Variants in CSNK1D observed in about 807,000 individuals in gnomAD.
The protein encoded by CSNK1D is casein kinase 1 delta.
A neutral mutation model predicts 46.6 loss-of-function variants in CSNK1D; 16 were observed. That is an observed-to-expected ratio of 0.34 (90% CI 0.23 to 0.52). The LOEUF is 0.52. CSNK1D is among the 20% of genes least tolerant of loss of function. The probability of loss-of-function intolerance (pLI) is 0.95; values close to 1 mark genes in which losing one functional copy is unlikely to be tolerated. For synonymous variants in CSNK1D, 276 were observed against 228.2 expected (o/e 1.21, Z -1.89); for missense variants, 398 against 578.4 (o/e 0.69, Z 3.20).
At chr17:82,267,809 GTAC>G (rs2051516315) in intron 1 of CSNK1D, among the ~76,000 whole-genome samples, 3 of 152,252 alleles carry the variant, frequency 2.0e-5, no homozygotes, top group Admixed American at 6.5e-5. Context: ...GCCTCGGACA[GTAC>G]CGCCACCCTC....
chr17:82,246,094 C>G, intron 8 of CSNK1D: 2 of 1,570,982 alleles, frequency 1.3e-6, no homozygotes, highest in Non-Finnish European at 1.7e-6. Flanking sequence ...CCCTGACTAC[C>G]TGTGTCGGCT....
rs2147148753 is a variant in CSNK1D at position 82,244,205 on chromosome 17, A to G, written c.*576T>C. 9.8e-7 allele frequency: 1 copy of G among 1,024,756 alleles called. No individual in the cohort carries two copies. Among genetic ancestry groups the G allele is most frequent in the African/African-American group, 1.7e-5 (1 of 58,500 alleles). 63.5% of individuals were successfully genotyped at this position (1,024,756 alleles called of 1,614,324 possible). On this transcript the variant is annotated 3_prime_UTR_variant, in exon 9 of 9. Coordinates refer to ENST00000314028, the MANE Select transcript of CSNK1D (RefSeq NM_001893.6). Reference sequence around the variant, plus strand: ...CCAAAGCGGACAATAAAACACTGCAAAACAAACACAGCACACACCCTTGAG... The same window carrying G: ...CCAAAGCGGACAATAAAACACTGCAGAACAAACACAGCACACACCCTTGAG...
At position 82,252,576 on chromosome 17, in the gene CSNK1D, A is replaced by C. The variant is rs1479557056; in HGVS notation, c.594T>G (p.Ser198=). Residue 198 remains serine, a synonymous_variant, in exon 5 of 9, where the codon TCT becomes TCG. Transcript: ENST00000314028. This position sits in a 1 kb window ranked among gnomAD's most constrained non-coding sequence, Gnocchi z 4.6. ...IEQSRRDDLE[S]LGYVLMYFNL... ...TGAAGTACATTAGCACGTAGCCCAGAGACTCCAAGTCATCTCTTCGGGATT... is the reference window on the plus strand; with the variant it reads ...TGAAGTACATTAGCACGTAGCCCAGCGACTCCAAGTCATCTCTTCGGGATT... 1 of 1,613,842 alleles carries C rather than the reference A, an allele frequency of 6.2e-7. No homozygotes were observed. Among genetic ancestry groups the C allele is most frequent in the African/African-American group, 1.3e-5 (1 of 74,908 alleles).
At chr17:82,261,074 C>G (rs781390033) in intron 2 of CSNK1D, 1 of 154,894 alleles carries the variant, frequency 6.5e-6, no homozygotes. Flanking sequence ...AATGTCTCAG[C>G]AGAAATCACC....
intron 1 of CSNK1D, chr17:82,267,134 G>A (rs1440189753): frequency 6.6e-6 from 1 of 151,120 alleles, no homozygotes; most frequent in African/African-American, 2.4e-5. Flanking sequence ...ATTCACACTA[G>A]CTTCAGCAGC....
chr17:82,248,685 G>A lies in CSNK1D; in HGVS notation c.1197+190C>T, dbSNP rs1018691579. On this transcript the variant is annotated intron_variant, in intron 8 of 8. Transcript: ENST00000314028. This position sits in a 1 kb window ranked among gnomAD's most constrained non-coding sequence, Gnocchi z 4.1. Reference sequence around the variant, plus strand: ...CAACCAGGAGACAAGCCCCATGACGGCCCAGCATGTCTCCCAGGCCCTCCC... The same window carrying A: ...CAACCAGGAGACAAGCCCCATGACGACCCAGCATGTCTCCCAGGCCCTCCC... 15 of 1,425,700 alleles carry A rather than the reference G, an allele frequency of 1.1e-5. No individual in the cohort carries two copies. Among genetic ancestry groups the A allele is most frequent in the African/African-American group, 1.4e-5 (1 of 69,486 alleles). The allele number at this position is 1,425,700 out of a possible 1,614,324, so 88.3% of individuals were successfully genotyped here. A position where few individuals can be genotyped will look rare whatever the true frequency, so the allele number is the denominator to read the frequency against.
At chr17:82,263,147 T>C (rs1313771596) in intron 2 of CSNK1D, among the ~76,000 whole-genome samples, 1 of 152,084 alleles carries the variant, frequency 6.6e-6, no homozygotes, top group Non-Finnish European at 1.5e-5. Flanking sequence ...GCCATTGCAC[T>C]CCATCCTGGG....
chr17:82,264,272 C>T (rs572329165), intron 2 of CSNK1D, among the ~76,000 whole-genome samples: 34 of 152,356 alleles, frequency 2.2e-4, no homozygotes, highest in African/African-American at 6.7e-4. Flanking sequence ...GCTCCACAGA[C>T]GTGGCACAGC....
downstream of CSNK1D, among the ~76,000 whole-genome samples, chr17:82,240,853 A>T (rs982588186): frequency 2.0e-5 from 3 of 152,064 alleles, no homozygotes; most frequent in African/African-American, 7.3e-5. Context: ...GCTGAGTTCT[A>T]CTACCTCCTC....
rs528918103 is a variant in CSNK1D at position 82,260,256 on chromosome 17, G to A, written c.188-4679C>T. On this transcript the variant is annotated intron_variant, in intron 2 of 8. Transcript: ENST00000314028. ...TGAGTGATGTGACTGATGGTATACC[G>A]AGTGATGTGACTGATGGTGTACTGA... 3.8e-3 allele frequency among the ~76,000 whole-genome samples: 571 copies of A among 151,498 alleles called. 4 individuals carry two copies. Among genetic ancestry groups the A allele is most frequent in the African/African-American group, 0.013 (543 of 41,216 alleles).
chr17:82,262,780 G>A (rs868468220), intron 2 of CSNK1D, among the ~76,000 whole-genome samples: 1 of 152,214 alleles, frequency 6.6e-6, no homozygotes, highest in Admixed American at 6.5e-5. Context: ...CCCATTATTT[G>A]TCAACTCCCC....
At chr17:82,256,738 G>A (rs1568570488) in intron 2 of CSNK1D, among the ~76,000 whole-genome samples, 2 of 152,062 alleles carry the variant, frequency 1.3e-5, no homozygotes, top group East Asian at 1.9e-4. Flanking sequence ...CCCAAAATAC[G>A]TCCTTTGGTC....
Position 82,249,351 on chromosome 17 carries a change from A to G in CSNK1D, c.1057+80T>C. On this transcript the variant is annotated intron_variant, in intron 7 of 8. Coordinates refer to ENST00000314028, the MANE Select transcript of CSNK1D (RefSeq NM_001893.6). The surrounding 1 kb of genome is among the most constrained non-coding windows in gnomAD (Gnocchi z 6.7). ...GGGCACTTAGTGTCCACCACCAAGT[A>G]CCCTGTTGTCCCCACCAACCCCAAG... is the stretch of plus-strand genomic sequence containing the variant. The G allele has an allele frequency of 1.5e-6, 2 of 1,361,480 alleles. No homozygotes were observed. Among genetic ancestry groups the G allele is most frequent in the Non-Finnish European group, 2.0e-6 (2 of 988,898 alleles). The allele number at this position is 1,361,480 out of a possible 1,614,324, so 84.3% of individuals were successfully genotyped here. A position where few individuals can be genotyped will look rare whatever the true frequency, so the allele number is the denominator to read the frequency against.
At chr17:82,240,996 C>T (rs2050734789), downstream of CSNK1D, among the ~76,000 whole-genome samples, 2 of 152,086 alleles carry the variant, frequency 1.3e-5, no homozygotes, top group Admixed American at 6.5e-5. Context: ...AGGTCTGGTG[C>T]GTGGGCTGCA....
intron 2 of CSNK1D, among the ~76,000 whole-genome samples, chr17:82,256,957 T>C (rs1394119718): frequency 1.3e-5 from 2 of 152,136 alleles, no homozygotes; most frequent in African/African-American, 2.4e-5. Flanking sequence ...ATTTAAAAAA[T>C]TGTTTCATTA....
At position 82,244,608 on chromosome 17, in the gene CSNK1D, G is replaced by A. The variant is rs2050802728; in HGVS notation, c.*173C>T. The A allele has an allele frequency of 6.6e-7, 1 of 1,526,304 alleles. No homozygotes were observed. Among genetic ancestry groups the A allele is most frequent in the Non-Finnish European group, 8.8e-7 (1 of 1,140,046 alleles). The allele number at this position is 1,526,304 out of a possible 1,614,324, so 94.5% of individuals were successfully genotyped here. ...GCAGCCCCAGCGGTGGCAGCTCTTG[G>A]AGTCTGTCCGTTTAGTATGTTTCCC... On this transcript the variant is annotated 3_prime_UTR_variant, in exon 9 of 9. Coordinates refer to ENST00000314028, the MANE Select transcript of CSNK1D (RefSeq NM_001893.6).
Position 82,273,392 on chromosome 17 carries a change from G to T in CSNK1D, c.-11C>A. 3.7e-6 allele frequency: 6 copies of T among 1,610,422 alleles called. No homozygotes were observed. Among genetic ancestry groups the T allele is most frequent in the Non-Finnish European group, 4.2e-6 (5 of 1,179,250 alleles). On this transcript the variant is annotated 5_prime_UTR_variant, in exon 1 of 9. Coordinates refer to ENST00000314028, the MANE Select transcript of CSNK1D (RefSeq NM_001893.6). The surrounding 1 kb of genome is among the most constrained non-coding windows in gnomAD (Gnocchi z 5.1). ...GACTCTCAGCTCCATGGCGGCGGCG[G>T]CCCGATTCGCTCCTGCCCTCCCGGC... is the stretch of plus-strand genomic sequence containing the variant.
At chr17:82,259,623 A>G (rs1002727845) in intron 2 of CSNK1D, among the ~76,000 whole-genome samples, 1 of 152,260 alleles carries the variant, frequency 6.6e-6, no homozygotes, top group Non-Finnish European at 1.5e-5. Context: ...CCCCAGACAC[A>G]TGGACAAGAT....
chr17:82,252,691 T>A lies in CSNK1D; in HGVS notation c.566-87A>T. The A allele has an allele frequency of 1.5e-6, 2 of 1,364,882 alleles. No individual in the cohort carries two copies. The highest frequency in any genetic ancestry group is 1.4e-5 in the African/African-American group (1 of 69,532). 84.5% of individuals were successfully genotyped at this position (1,364,882 alleles called of 1,614,324 possible). The stretch of plus-strand genomic sequence containing the variant: ...CCCGGCTGGCCGTTCCAGTGGAGAC[T>A]AGCCTCAGACACACATGCCCAGATC... On this transcript the variant is annotated intron_variant, in intron 4 of 8. Transcript: ENST00000314028. The surrounding 1 kb of genome is among the most constrained non-coding windows in gnomAD (Gnocchi z 4.6).
Sources: gnomAD v4.1 joint callset for allele counts (sites outside exome capture counted in the v4.1 genomes callset) on GRCh38, gnomAD v4.1.1 for gene constraint, Gnocchi (gnomAD v3.1) non-coding constraint, MANE v1.5 for transcripts, NCBI Gene and HGNC (gene_info 2026-07-23, HGNC 2026-07-21) for gene names.